Variants in DLG2 observed in about 807,000 individuals in gnomAD.
DLG2 encodes the protein discs large MAGUK scaffold protein 2, also known as disks large homolog 2.
A neutral mutation model predicts 132.5 loss-of-function variants in DLG2; 45 were observed. The observed-to-expected ratio is 0.34, with a 90% CI of 0.27 to 0.44. DLG2 has a LOEUF of 0.44. Among genes scored for constraint, DLG2 ranks in the 20% least tolerant of loss-of-function variants. The probability of loss-of-function intolerance (pLI) is 1.00; values close to 1 mark genes in which losing one functional copy is unlikely to be tolerated. For synonymous variants in DLG2, 424 were observed against 419.6 expected (o/e 1.01, Z -0.13); for missense variants, 1,045 against 1,196.9 (o/e 0.87, Z 1.87).
chr11:85,097,587 G>C (rs1451309289), intron 6 of DLG2, among the ~76,000 whole-genome samples: 2 of 152,214 alleles, frequency 1.3e-5, no homozygotes, highest in South Asian at 2.1e-4. Context: ...ATGGGCAACA[G>C]AACAGTTCTG....
At chr11:83,678,344 G>T (rs1044490966) in intron 18 of DLG2, among the ~76,000 whole-genome samples, 1 of 152,164 alleles carries the variant, frequency 6.6e-6, no homozygotes, top group African/African-American at 2.4e-5. Context: ...TGCAACTCAA[G>T]GTAGGCTGAC....
intron 19 of DLG2, among the ~76,000 whole-genome samples, chr11:83,552,819 A>G (rs544333356): frequency 6.6e-6 from 1 of 152,322 alleles, no homozygotes; most frequent in Non-Finnish European, 1.5e-5. Flanking sequence ...TAACATTGTT[A>G]TGAAAGTAGA....
At chr11:83,740,643 A>G (rs980479606) in intron 18 of DLG2, among the ~76,000 whole-genome samples, 1 of 152,198 alleles carries the variant, frequency 6.6e-6, no homozygotes, top group African/African-American at 2.4e-5. Flanking sequence ...TATGCTATCA[A>G]TACAAATTTT....
At chr11:84,897,485 T>C (rs1239437675) in intron 6 of DLG2, among the ~76,000 whole-genome samples, 15 of 151,886 alleles carry the variant, frequency 9.9e-5, no homozygotes, top group Admixed American at 9.9e-4. Flanking sequence ...TTCCTAGAGA[T>C]TAAAATAATA....
At chr11:83,541,939 C>G (rs1265590685) in intron 19 of DLG2, 81 bp from the exon 20 acceptor site, 2 of 1,398,212 alleles carry the variant, frequency 1.4e-6, no homozygotes, top group East Asian at 4.9e-5. Flanking sequence ...AATGTTTGCT[C>G]TTGCTCTGAG....
chr11:84,292,043 A>G, intron 7 of DLG2, among the ~76,000 whole-genome samples: 1 of 152,196 alleles, frequency 6.6e-6, no homozygotes, highest in East Asian at 1.9e-4. Context: ...CACTAAATTG[A>G]CATCATGACG....
intron 7 of DLG2, among the ~76,000 whole-genome samples, chr11:84,394,134 C>T (rs2098802841): frequency 6.6e-6 from 1 of 152,168 alleles, no homozygotes; most frequent in Non-Finnish European, 1.5e-5. Flanking sequence ...GCCTCAGCCT[C>T]CCAAAGTGCT....
chr11:84,238,101 AAGTC>A (rs2097182678), intron 8 of DLG2, among the ~76,000 whole-genome samples: 1 of 151,718 alleles, frequency 6.6e-6, no homozygotes, highest in Non-Finnish European at 1.5e-5. Flanking sequence ...CACTAGAGGG[AAGTC>A]AGTCACTGAA....
At chr11:84,193,043 G>A (rs1425375113) in intron 8 of DLG2, among the ~76,000 whole-genome samples, 1 of 152,168 alleles carries the variant, frequency 6.6e-6, no homozygotes, top group Non-Finnish European at 1.5e-5. Flanking sequence ...ATCTGCTGAA[G>A]TGGCTAACAA....
At chr11:84,163,999 C>T (rs2095606613) in intron 8 of DLG2, among the ~76,000 whole-genome samples, 1 of 152,062 alleles carries the variant, frequency 6.6e-6, no homozygotes, top group Non-Finnish European at 1.5e-5. Context: ...TCTTTAGTGG[C>T]TCAAGCTCAG....
intron 6 of DLG2, among the ~76,000 whole-genome samples, chr11:84,979,663 G>T (rs958624835): frequency 1.3e-5 from 2 of 151,994 alleles, no homozygotes; most frequent in African/African-American, 4.8e-5. Flanking sequence ...TTGTGGGGTG[G>T]GGGAGGGCGG....
At chr11:83,772,708 C>G (rs1053483345) in intron 18 of DLG2, among the ~76,000 whole-genome samples, 1 of 152,132 alleles carries the variant, frequency 6.6e-6, no homozygotes, top group East Asian at 1.9e-4. Flanking sequence ...GGTAAGCCAA[C>G]TAAGAAATCA....
chr11:84,445,774 G>T (rs903256156), intron 7 of DLG2, among the ~76,000 whole-genome samples: 1 of 151,800 alleles, frequency 6.6e-6, no homozygotes, highest in Non-Finnish European at 1.5e-5. Flanking sequence ...AAATTAGCCG[G>T]GTGTGGTAGC....
At chr11:84,414,709 G>T (rs964798437) in intron 7 of DLG2, among the ~76,000 whole-genome samples, 8 of 152,094 alleles carry the variant, frequency 5.3e-5, no homozygotes, top group African/African-American at 1.9e-4. Flanking sequence ...CTAATATTAT[G>T]CGACTATTTA....
intron 3 of DLG2, among the ~76,000 whole-genome samples, chr11:85,426,506 C>G (rs1327551899): frequency 6.6e-6 from 1 of 152,198 alleles, no homozygotes; most frequent in Non-Finnish European, 1.5e-5. Context: ...TGCTGATACT[C>G]AGGCAAACAG....
intron 7 of DLG2, among the ~76,000 whole-genome samples, chr11:84,481,841 G>A (rs961067913): frequency 6.6e-6 from 1 of 152,138 alleles, no homozygotes; most frequent in African/African-American, 2.4e-5. Context: ...GCCTCAGTGT[G>A]TAGTAACATG....
chr11:85,624,756 A>G (rs1201973735), intron 2 of DLG2, among the ~76,000 whole-genome samples: 1 of 152,220 alleles, frequency 6.6e-6, no homozygotes, highest in Admixed American at 6.5e-5. Flanking sequence ...GAAAATATAC[A>G]ACATATACTC....
At chr11:84,755,507 T>G (rs2066744853) in intron 6 of DLG2, among the ~76,000 whole-genome samples, 2 of 152,200 alleles carry the variant, frequency 1.3e-5, no homozygotes, top group Admixed American at 1.3e-4. Flanking sequence ...CACTGCAAGC[T>G]CCGCTTCCCG....
At chr11:84,261,334 C>A (rs1277893337) in intron 7 of DLG2, among the ~76,000 whole-genome samples, 1 of 152,110 alleles carries the variant, frequency 6.6e-6, no homozygotes, top group East Asian at 1.9e-4. Flanking sequence ...TCATTTCTTC[C>A]TTTTCCTACA....
Sources: allele counts gnomAD v4.1 joint callset (sites outside exome capture counted in the v4.1 genomes callset), GRCh38; gene constraint gnomAD v4.1.1; transcripts MANE v1.5; gene names NCBI Gene and HGNC (gene_info 2026-07-23, HGNC 2026-07-21).